Variants in RAPGEF1 observed in about 807,000 individuals in gnomAD.
RAPGEF1 encodes Rap guanine nucleotide exchange factor 1.
In RAPGEF1, 33 loss-of-function variants were observed where a neutral mutation model predicts 143.3. The ratio of observed to expected loss-of-function variants is 0.23; its 90% CI spans 0.17 to 0.31. The LOEUF (loss-of-function observed/expected upper bound fraction) is 0.31, where lower values mean the gene tolerates loss of function less well. Ranked by LOEUF, RAPGEF1 falls within the 10% of genes least tolerant of loss-of-function variation. The pLI is 1.00. For missense variants in RAPGEF1, 1,199 were observed against 1,645.4 expected, an observed-to-expected ratio of 0.73 and a Z score of 4.69; for synonymous variants, 629 against 676.5, an observed-to-expected ratio of 0.93 and a Z score of 1.09.
At chr9:131,697,324 C>T (rs1001692538) in intron 1 of RAPGEF1, among the ~76,000 whole-genome samples, 4 of 152,234 alleles carry the variant, frequency 2.6e-5, no homozygotes, top group African/African-American at 9.6e-5. Flanking sequence ...CCTAATTACT[C>T]ACTGCTCTGC....
chr9:131,597,193 G>A (rs985481933), intron 16 of RAPGEF1, among the ~76,000 whole-genome samples: 18 of 152,198 alleles, frequency 1.2e-4, no homozygotes, highest in African/African-American at 3.9e-4. Context: ...TACACACTCC[G>A]GGACTAGCCC....
rs868490169 is a variant in RAPGEF1, at chr9:131,739,689, C to A, written c.61+81G>T. ...CGCACGGAGGGCCGCACATCCCGGG[C>A]GACCCGCGCTCGGCCCGGGGAGCGG... is the stretch of plus-strand genomic sequence containing the variant. On this transcript the variant is annotated intron_variant, in intron 1 of 26. Coordinates refer to ENST00000683357, the MANE Select transcript of RAPGEF1 (RefSeq NM_001377935.1). The A allele has an allele frequency of 2.7e-4, 264 of 985,486 alleles. 8 individuals are homozygous for A. The East Asian group carries it at 0.017, about 62-fold the overall frequency. 61.0% of individuals were successfully genotyped at this position (985,486 alleles called of 1,614,324 possible). A position where few individuals can be genotyped will look rare whatever the true frequency, so the allele number is the denominator to read the frequency against.
chr9:131,735,023 G>A (rs564247506), intron 1 of RAPGEF1, among the ~76,000 whole-genome samples: 1 of 152,268 alleles, frequency 6.6e-6, no homozygotes, highest in South Asian at 2.1e-4. Context: ...TGGTTCGCTG[G>A]GAGCACAGAG....
At chr9:131,611,712 T>C (rs1958038137) in intron 12 of RAPGEF1, among the ~76,000 whole-genome samples, 1 of 152,230 alleles carries the variant, frequency 6.6e-6, no homozygotes, top group Non-Finnish European at 1.5e-5. Context: ...CTCTAATTTA[T>C]ACTTATTCTT....
chr9:131,589,851 A>G (rs765422615), intron 19 of RAPGEF1, 35 bp downstream of exon 19: 1 of 1,582,394 alleles, frequency 6.3e-7, no homozygotes. Context: ...TTGCCTCCCC[A>G]CTGGCCCCCA....
At chr9:131,617,266 G>A (rs1397062426) in intron 12 of RAPGEF1, among the ~76,000 whole-genome samples, 3 of 152,230 alleles carry the variant, frequency 2.0e-5, no homozygotes, top group African/African-American at 7.2e-5. Flanking sequence ...TTTGTGAAAG[G>A]AGCTTGCCAG....
chr9:131,666,790 T>G (rs535285906), intron 1 of RAPGEF1, among the ~76,000 whole-genome samples: 1 of 152,360 alleles, frequency 6.6e-6, no homozygotes, highest in South Asian at 2.1e-4. Context: ...CATATTAATC[T>G]GCTGTGGATT....
Position 131,641,648 on chromosome 9 carries a change from G to A in RAPGEF1, c.494+1591C>T, listed in dbSNP as rs1008252941. The stretch of plus-strand genomic sequence containing the variant: ...CATGAGACTAGGTCCACAAAAACAT[G>A]TTCTAAGAGGGAATCCATACATCTC... On this transcript the variant is annotated intron_variant, in intron 4 of 26. Transcript: ENST00000683357. This position sits in a 1 kb window ranked among gnomAD's most constrained non-coding sequence, Gnocchi z 4.6. Among the ~76,000 whole-genome samples the A allele has an allele frequency of 1.3e-5, 2 of 152,238 alleles. No individual in the cohort carries two copies. Among genetic ancestry groups the A allele is most frequent in the African/African-American group, 2.4e-5 (1 of 41,450 alleles).
chr9:131,596,012 G>T (rs563675609), intron 17 of RAPGEF1, among the ~76,000 whole-genome samples: 1 of 152,214 alleles, frequency 6.6e-6, no homozygotes, highest in Non-Finnish European at 1.5e-5. Flanking sequence ...CACTCAAGGC[G>T]CTGTCTGTGG....
chr9:131,623,976 A>G (rs1962123489), intron 10 of RAPGEF1, among the ~76,000 whole-genome samples: 2 of 152,204 alleles, frequency 1.3e-5, no homozygotes, highest in Non-Finnish European at 2.9e-5. Context: ...ACTGGGGACA[A>G]GGATGAGGCT....
intron 5 of RAPGEF1, among the ~76,000 whole-genome samples, chr9:131,632,295 A>ATTTTTTTTT (rs55684326): frequency 7.3e-6 from 1 of 136,102 alleles, no homozygotes. Context: ...CACCCGGCTA[A>ATTTTTTTTT]TTTTTTTTTT....
At position 131,612,405 on chromosome 9, in the gene RAPGEF1, C is replaced by T. The variant is rs184826220; in HGVS notation, c.2061+6646G>A. Among the ~76,000 whole-genome samples the T allele has an allele frequency of 1.1e-4, 17 of 151,400 alleles. 1 individual carries two copies. In the East Asian group the frequency reaches 1.9e-3, roughly 17 times the overall value. On this transcript the variant is annotated intron_variant, in intron 12 of 26. Coordinates refer to ENST00000683357, the MANE Select transcript of RAPGEF1 (RefSeq NM_001377935.1). ...AAACAATAAAGATTCTCAAAGTCTA[C>T]AACCAGGGGTTGGAAACAGCTGCAT...
intron 1 of RAPGEF1, among the ~76,000 whole-genome samples, chr9:131,695,306 C>T (rs944716843): frequency 6.6e-5 from 10 of 152,266 alleles, no homozygotes; most frequent in Middle Eastern, 6.8e-3. Flanking sequence ...TCCCTGTGTC[C>T]GGTTTCAAAT....
chr9:131,654,389 C>T (rs575809132), intron 1 of RAPGEF1, among the ~76,000 whole-genome samples: 2 of 152,086 alleles, frequency 1.3e-5, no homozygotes, highest in African/African-American at 2.4e-5. Flanking sequence ...TCTTATTAAT[C>T]GATTTATTTA....
intron 1 of RAPGEF1, among the ~76,000 whole-genome samples, chr9:131,660,331 TAA>T (rs896624909): frequency 7.2e-5 from 11 of 152,210 alleles, no homozygotes; most frequent in African/African-American, 1.9e-4. Context: ...GCCTATCTTT[TAA>T]AAAATTTTCA....
At position 131,619,206 on chromosome 9, in the gene RAPGEF1, C is replaced by G. The variant is rs1174423802; in HGVS notation, c.1906G>C (p.Ala636Pro). Reference protein sequence around the residue: ...PALPPKQRQLASCAASSFSSV... With the variant: ...PALPPKQRQLPSCAASSFSSV... ...GAGAAGGAAGAAGCAGCACAGGAGGCCTGCTGGACAGAGGGGAGGAGAGAG... is the reference window on the plus strand; with the variant it reads ...GAGAAGGAAGAAGCAGCACAGGAGGGCTGCTGGACAGAGGGGAGGAGAGAG... The change falls in exon 12 of 27, where the codon GCC (alanine) becomes CCC (proline). Residue 636 changes from alanine to proline, a missense_variant and splice_region_variant. Ala to Pro is a conservative substitution (Grantham distance 27). Around this residue, in one of 6 missense-constraint regions of RAPGEF1, gnomAD observed 293 missense variants for 356.2 expected, o/e 0.82. Coordinates refer to ENST00000683357, the MANE Select transcript of RAPGEF1 (RefSeq NM_001377935.1). 3.1e-6 allele frequency: 4 copies of G among 1,304,290 alleles called. No homozygotes were observed. The highest frequency in any genetic ancestry group is 4.0e-6 in the Non-Finnish European group (4 of 989,044). 80.8% of individuals were successfully genotyped at this position (1,304,290 alleles called of 1,614,324 possible).
intron 25 of RAPGEF1, 51 bp from the exon 26 acceptor site, chr9:131,580,442 C>T: frequency 6.3e-7 from 1 of 1,591,308 alleles, no homozygotes; most frequent in Non-Finnish European, 8.6e-7. Flanking sequence ...TTGGAAGCAG[C>T]AAGGGCTAGA....
At position 131,650,105 on chromosome 9, in the gene RAPGEF1, A is replaced by T. The variant is rs1970709572; in HGVS notation, c.315+24T>A. Reference sequence around the variant, plus strand: ...CTGCAGTAGAAGGCAAGGCAAACCCAATTGTTCTTAATGTTACACTGACCT... The same window carrying T: ...CTGCAGTAGAAGGCAAGGCAAACCCTATTGTTCTTAATGTTACACTGACCT... On this transcript the variant is annotated intron_variant, in intron 3 of 26. Transcript: ENST00000683357. This position sits in a 1 kb window ranked among gnomAD's most constrained non-coding sequence, Gnocchi z 4.7. 1 of 1,577,634 alleles carries T rather than the reference A, an allele frequency of 6.3e-7. No individual in the cohort carries two copies. Among genetic ancestry groups the T allele is most frequent in the Non-Finnish European group, 8.7e-7 (1 of 1,150,244 alleles).
rs761985746 is a variant in RAPGEF1, at chr9:131,628,606, C to T, written c.960G>A (p.Val320=). ...SAPSPTRVAV[V]APMSRATSGS... is the part of the protein sequence containing the mutation. ...CACTGGTGGCTCGGCTCATGGGGGC[C>T]ACCACAGCCACTCGGGTAGGGGACG... Residue 320 remains valine, a synonymous_variant, in exon 8 of 27, where the codon GTG becomes GTA. Transcript: ENST00000683357. The surrounding 1 kb of genome is among the most constrained non-coding windows in gnomAD (Gnocchi z 5.7). 6.2e-7 allele frequency: 1 copy of T among 1,613,204 alleles called. No homozygotes were observed. The highest frequency in any genetic ancestry group is 8.5e-7 in the Non-Finnish European group (1 of 1,179,252).
Sources: gnomAD v4.1 joint callset for allele counts (sites outside exome capture counted in the v4.1 genomes callset) on GRCh38, gnomAD v4.1.1 for gene constraint, gnomAD v4.1.1 regional missense constraint, Gnocchi (gnomAD v3.1) non-coding constraint, MANE v1.5 for transcripts, NCBI Gene and HGNC (gene_info 2026-07-23, HGNC 2026-07-21) for gene names.